OPRM1: variants seen among roughly 807,000 people sequenced by gnomAD.
The protein encoded by OPRM1 is mu-type opioid receptor.
OPRM1 carries 27 observed loss-of-function variants against 31.8 expected under a neutral mutation model. The observed-to-expected ratio is 0.85, with a 90% CI of 0.63 to 1.17. The LOEUF (loss-of-function observed/expected upper bound fraction) is 1.17, where lower values mean the gene tolerates loss of function less well. Among genes scored for constraint, OPRM1 ranks in the 50% most tolerant of loss-of-function variants. OPRM1 has a pLI of 0.00. For missense variants in OPRM1, 536 were observed against 511.1 expected (o/e 1.05, Z -0.47); for synonymous variants, 196 against 189.9 (o/e 1.03, Z -0.26).
At chr6:154,221,211 A>C (rs1778837054) in intron 3 of OPRM1, 2 of 1,372,302 alleles carry the variant, frequency 1.5e-6, no homozygotes, top group Non-Finnish European at 2.1e-6. Flanking sequence ...GCTAAAGTTA[A>C]GTATATTCCC....
At chr6:154,134,733 C>T (rs1180124334), downstream of OPRM1, among the ~76,000 whole-genome samples, 2 of 152,150 alleles carry the variant, frequency 1.3e-5, no homozygotes, top group African/African-American at 4.8e-5. Context: ...CTGCAAATTG[C>T]AGATAGTTCT....
At chr6:154,228,981 C>T (rs546921713) in intron 3 of OPRM1, among the ~76,000 whole-genome samples, 1 of 152,336 alleles carries the variant, frequency 6.6e-6, no homozygotes, top group African/African-American at 2.4e-5. Context: ...CCCTTCCTAC[C>T]TCATTCCCCT....
chr6:154,124,928 A>C lies in OPRM1; in HGVS notation c.*6207A>C, dbSNP rs775783693. The stretch of plus-strand genomic sequence containing the variant: ...CTAAAAGCACTCAGACATTTTGTAG[A>C]GCAAGTAGCAATCTATTCAAAGTTG... On this transcript the variant is annotated 3_prime_UTR_variant, in exon 4 of 4. Coordinates refer to ENST00000330432, the MANE Select transcript of OPRM1 (RefSeq NM_000914.5). Among the ~76,000 whole-genome samples the C allele has an allele frequency of 6.6e-6, 1 of 152,212 alleles. No homozygotes were observed. The highest frequency in any genetic ancestry group is 1.5e-5 in the Non-Finnish European group (1 of 68,034).
At chr6:154,077,573 A>T (rs1039437154) in intron 1 of OPRM1, among the ~76,000 whole-genome samples, 2 of 151,772 alleles carry the variant, frequency 1.3e-5, no homozygotes, top group African/African-American at 2.4e-5. Flanking sequence ...TCTACTAAAA[A>T]TACAAAAATT....
intron 3 of OPRM1, among the ~76,000 whole-genome samples, chr6:154,193,003 C>G (rs1802061961): frequency 6.6e-6 from 1 of 152,134 alleles, no homozygotes; most frequent in African/African-American, 2.4e-5. Flanking sequence ...TTTGATCCAG[C>G]AATCCCACTA....
At chr6:154,196,398 C>T (rs566168425) in intron 3 of OPRM1, among the ~76,000 whole-genome samples, 2 of 152,120 alleles carry the variant, frequency 1.3e-5, no homozygotes, top group South Asian at 4.2e-4. Flanking sequence ...GAATGCCTGC[C>T]TCTTCTTTAA....
At chr6:154,219,529 C>G (rs1245925540) in intron 3 of OPRM1, among the ~76,000 whole-genome samples, 1 of 152,116 alleles carries the variant, frequency 6.6e-6, no homozygotes, top group Non-Finnish European at 1.5e-5. Context: ...GCGGACTGAC[C>G]TCACTATCAC....
chr6:154,173,009 T>C (rs1800000719), intron 3 of OPRM1, among the ~76,000 whole-genome samples: 1 of 152,300 alleles, frequency 6.6e-6, no homozygotes, highest in South Asian at 2.1e-4. Flanking sequence ...CCTCCGCTGG[T>C]GATACCCAGG....
Position 154,130,657 on chromosome 6 carries a change from T to C in OPRM1, c.*11936T>C, listed in dbSNP as rs1797845472. On this transcript the variant is annotated 3_prime_UTR_variant, in exon 4 of 4. Coordinates refer to ENST00000330432, the MANE Select transcript of OPRM1 (RefSeq NM_000914.5). ...ATATATTCCCTTTATATACTAATTG[T>C]ATATCCATATAAAAGCATTAGTACC... Among the ~76,000 whole-genome samples, 3 of 152,020 alleles carry C rather than the reference T, an allele frequency of 2.0e-5. No homozygotes were observed. The highest frequency in any genetic ancestry group is 7.2e-5 in the African/African-American group (3 of 41,396).
intron 3 of OPRM1, among the ~76,000 whole-genome samples, chr6:154,106,258 A>G (rs1795560520): frequency 6.6e-6 from 1 of 152,214 alleles, no homozygotes; most frequent in Non-Finnish European, 1.5e-5. Context: ...TTGTTTCTTT[A>G]GTAGTTTTAA....
At chr6:154,056,417 C>A (rs774082060) in intron 1 of OPRM1, among the ~76,000 whole-genome samples, 1 of 151,840 alleles carries the variant, frequency 6.6e-6, no homozygotes, top group South Asian at 2.1e-4. Flanking sequence ...CCAACGCGCC[C>A]GGCCTGATGG....
upstream of OPRM1, among the ~76,000 whole-genome samples, chr6:154,037,984 A>C (rs1337827655): frequency 2.0e-5 from 3 of 152,166 alleles, no homozygotes; most frequent in Non-Finnish European, 4.4e-5. Flanking sequence ...ATATGTTTTA[A>C]GGTATTTTTG....
intron 3 of OPRM1, chr6:154,160,049 G>A (rs919585745): frequency 1.9e-6 from 3 of 1,596,748 alleles, no homozygotes; most frequent in Non-Finnish European, 2.6e-6. Context: ...CACTGTGTGA[G>A]TAGAAAAAAA....
intron 3 of OPRM1, among the ~76,000 whole-genome samples, chr6:154,189,886 G>A (rs1457708699): frequency 2.6e-5 from 4 of 151,800 alleles, no homozygotes; most frequent in Admixed American, 6.6e-5. Flanking sequence ...GGAGGTTGCA[G>A]TGAGCCGAGA....
At chr6:154,164,056 T>C (rs905911317) in intron 3 of OPRM1, among the ~76,000 whole-genome samples, 10 of 152,322 alleles carry the variant, frequency 6.6e-5, no homozygotes, top group African/African-American at 2.4e-4. Context: ...AAAGCTTTCT[T>C]CCTCTGATAT....
At chr6:154,195,836 G>T (rs1776575000) in intron 3 of OPRM1, among the ~76,000 whole-genome samples, 2 of 149,522 alleles carry the variant, frequency 1.3e-5, no homozygotes, top group African/African-American at 2.5e-5. Flanking sequence ...CTGTCACCCA[G>T]GCTGGGGTGC....
chr6:154,182,222 A>G (rs1477551098), intron 3 of OPRM1, among the ~76,000 whole-genome samples: 1 of 152,020 alleles, frequency 6.6e-6, no homozygotes, highest in Non-Finnish European at 1.5e-5. Context: ...ATTTTCCTCT[A>G]TTTGTTTTAC....
intron 3 of OPRM1, among the ~76,000 whole-genome samples, chr6:154,142,409 G>A (rs1046071333): frequency 2.0e-5 from 3 of 146,530 alleles, no homozygotes; most frequent in Non-Finnish European, 4.5e-5. Context: ...GACCTTCTGG[G>A]GACATTCCAC....
At chr6:154,117,073 A>G (rs530206805) in intron 3 of OPRM1, among the ~76,000 whole-genome samples, 3 of 151,910 alleles carry the variant, frequency 2.0e-5, no homozygotes, top group African/African-American at 7.2e-5. Flanking sequence ...TCACCTTTCA[A>G]CCTCCATCTA....
Sources: gnomAD v4.1 joint callset for allele counts (sites outside exome capture counted in the v4.1 genomes callset) on GRCh38, gnomAD v4.1.1 for gene constraint, MANE v1.5 for transcripts, NCBI Gene and HGNC (gene_info 2026-07-23, HGNC 2026-07-21) for gene names.